Variants in FAR2 observed in about 807,000 individuals in gnomAD.
FAR2 encodes fatty acyl-CoA reductase 2, also known as epididymis secretory protein Li 81.
FAR2 carries 19 observed loss-of-function variants against 56.0 expected under a neutral mutation model. The observed-to-expected ratio is 0.34, with a 90% CI of 0.24 to 0.50. FAR2 has a LOEUF of 0.50. Ranked by LOEUF, FAR2 falls within the 20% of genes least tolerant of loss-of-function variation. The probability of loss-of-function intolerance (pLI) is 0.98; values close to 1 mark genes in which losing one functional copy is unlikely to be tolerated. For synonymous variants in FAR2, 219 were observed against 218.8 expected (o/e 1.00, Z -0.01); for missense variants, 508 against 642.2 (o/e 0.79, Z 2.26).
chr12:29,170,149 C>A (rs974548657), intron 1 of FAR2, among the ~76,000 whole-genome samples: 1 of 152,220 alleles, frequency 6.6e-6, no homozygotes, highest in African/African-American at 2.4e-5. Flanking sequence ...ACAGCTGGCA[C>A]GTTTGAGCAG....
intron 10 of FAR2, among the ~76,000 whole-genome samples, chr12:29,326,356 T>A (rs1217213335): frequency 6.6e-6 from 1 of 150,604 alleles, no homozygotes; most frequent in Non-Finnish European, 1.5e-5. Context: ...CTTCTGAAAC[T>A]ATTCCAATCA....
intron 7 of FAR2, 140 bp downstream of exon 7, chr12:29,311,286 C>T: frequency 1.6e-6 from 1 of 627,874 alleles, no homozygotes; most frequent in Non-Finnish European, 2.8e-6. Flanking sequence ...TATAGAGTTC[C>T]TAATATGCCA....
At chr12:29,245,863 A>T (rs1325272714) in intron 1 of FAR2, among the ~76,000 whole-genome samples, 2 of 152,012 alleles carry the variant, frequency 1.3e-5, no homozygotes, top group East Asian at 3.8e-4. Flanking sequence ...TCCCAACATC[A>T]CTACCCCAAA....
At chr12:29,213,002 G>A (rs1947570251) in intron 1 of FAR2, among the ~76,000 whole-genome samples, 1 of 152,046 alleles carries the variant, frequency 6.6e-6, no homozygotes, top group South Asian at 2.1e-4. Flanking sequence ...CTAAGTCACA[G>A]GATAGGTTTT....
In FAR2 at chr12:29,176,068, A is replaced by G. The variant is rs561392537; in HGVS notation, c.-39+26661A>G. 3.3e-5 allele frequency among the ~76,000 whole-genome samples: 5 copies of G among 152,372 alleles called. 1 individual carries two copies. Among genetic ancestry groups the G allele is most frequent in the African/African-American group, 1.2e-4 (5 of 41,584 alleles). ...TAAATTTGCACTTCTGTAGTTTTAT[A>G]AGATACGTACATAGTAATTAAATTT... is the stretch of plus-strand genomic sequence containing the variant. On this transcript the variant is annotated intron_variant, in intron 1 of 11. Transcript: ENST00000536681.
At chr12:29,288,644 C>A (rs1416382745) in intron 2 of FAR2, among the ~76,000 whole-genome samples, 1 of 152,114 alleles carries the variant, frequency 6.6e-6, no homozygotes, top group African/African-American at 2.4e-5. Context: ...GCTATAAAGA[C>A]TGGAGAAATT....
At chr12:29,250,009 T>C (rs965066490) in intron 1 of FAR2, among the ~76,000 whole-genome samples, 22 of 152,342 alleles carry the variant, frequency 1.4e-4, no homozygotes, top group African/African-American at 5.3e-4. Context: ...GTTTTCCAAG[T>C]GACTCGAATG....
chr12:29,227,572 C>T (rs775562607), intron 1 of FAR2, among the ~76,000 whole-genome samples: 19 of 152,110 alleles, frequency 1.2e-4, no homozygotes, highest in Non-Finnish European at 5.9e-5. Context: ...CCAAGGTTTC[C>T]TGCGTTATCC....
chr12:29,267,568 C>G lies in FAR2; in HGVS notation c.-38-2844C>G, dbSNP rs117767097. 2.7e-3 allele frequency among the ~76,000 whole-genome samples: 417 copies of G among 152,312 alleles called. 1 individual carries two copies. Among genetic ancestry groups the G allele is most frequent in the Non-Finnish European group, 5.0e-3 (337 of 68,022 alleles). ...CTGCCCTCCTAACTTGGGGACACTA[C>G]TTTTCTGAGCTCCAAAGCAGGCAAG... is the stretch of plus-strand genomic sequence containing the variant. On this transcript the variant is annotated intron_variant, in intron 1 of 11. Transcript: ENST00000536681.
chr12:29,187,231 T>C (rs990172395), intron 1 of FAR2, among the ~76,000 whole-genome samples: 1 of 152,218 alleles, frequency 6.6e-6, no homozygotes. Context: ...TTTTATGTGT[T>C]ACTAAGCTCC....
chr12:29,235,795 G>A (rs1947932005), intron 1 of FAR2, among the ~76,000 whole-genome samples: 1 of 152,112 alleles, frequency 6.6e-6, no homozygotes, highest in Non-Finnish European at 1.5e-5. Flanking sequence ...AATGAGATAA[G>A]AGTTAGACTT....
At chr12:29,175,247 G>A (rs943868688) in intron 1 of FAR2, among the ~76,000 whole-genome samples, 1 of 152,212 alleles carries the variant, frequency 6.6e-6, no homozygotes, top group African/African-American at 2.4e-5. Flanking sequence ...CCTTCCAGTG[G>A]GTTCTTGGTC....
At chr12:29,173,457 A>G (rs1949907097) in intron 1 of FAR2, among the ~76,000 whole-genome samples, 1 of 152,198 alleles carries the variant, frequency 6.6e-6, no homozygotes, top group Non-Finnish European at 1.5e-5. Flanking sequence ...CTTCAATGAA[A>G]GGAAAGCTTG....
At chr12:29,205,581 C>T (rs1210279344) in intron 1 of FAR2, among the ~76,000 whole-genome samples, 1 of 152,140 alleles carries the variant, frequency 6.6e-6, no homozygotes, top group Admixed American at 6.5e-5. Context: ...GGCTACAGAA[C>T]AGGTTCTGAA....
chr12:29,275,155 GA>G (rs1384482826), intron 2 of FAR2, among the ~76,000 whole-genome samples: 1 of 151,308 alleles, frequency 6.6e-6, no homozygotes, highest in Non-Finnish European at 1.5e-5. Flanking sequence ...GGCTGAGTCC[GA>G]AAAGAGAGTC....
intron 10 of FAR2, among the ~76,000 whole-genome samples, chr12:29,324,508 G>A (rs1381221323): frequency 2.0e-5 from 3 of 152,164 alleles, no homozygotes; most frequent in Admixed American, 2.0e-4. Flanking sequence ...AGAAAGGTCG[G>A]GTTACCCACA....
intron 2 of FAR2, among the ~76,000 whole-genome samples, chr12:29,272,539 T>C (rs1442979170): frequency 6.6e-6 from 1 of 152,250 alleles, no homozygotes; most frequent in African/African-American, 2.4e-5. Flanking sequence ...TCTAACTTTT[T>C]ATCAAGATTC....
chr12:29,184,959 A>T (rs1275156843), intron 1 of FAR2, among the ~76,000 whole-genome samples: 3 of 152,182 alleles, frequency 2.0e-5, no homozygotes, highest in Non-Finnish European at 2.9e-5. Context: ...AAATTCTGAC[A>T]TTTTTATCAT....
chr12:29,292,786 C>A (rs1460397383), intron 2 of FAR2, among the ~76,000 whole-genome samples: 1 of 152,130 alleles, frequency 6.6e-6, no homozygotes, highest in Non-Finnish European at 1.5e-5. Flanking sequence ...GTAGGGCCAG[C>A]CTTTTCAGTG....
Sources: allele counts gnomAD v4.1 joint callset (sites outside exome capture counted in the v4.1 genomes callset), GRCh38; gene constraint gnomAD v4.1.1; transcripts MANE v1.5; gene names NCBI Gene and HGNC (gene_info 2026-07-23, HGNC 2026-07-21).